Variants in SGCZ observed in about 807,000 individuals in gnomAD.
SGCZ encodes the protein zeta-sarcoglycan.
A neutral mutation model predicts 41.3 loss-of-function variants in SGCZ; 40 were observed. The observed-to-expected ratio is 0.97, with a 90% CI of 0.75 to 1.26. The LOEUF is 1.26. SGCZ is among the 50% of genes most tolerant of loss of function. The pLI is 0.00. For missense variants in SGCZ, 552 were observed against 369.8 expected (o/e 1.49, Z -4.04); for synonymous variants, 206 against 137.5 (o/e 1.50, Z -3.49).
chr8:14,237,101 G>A (rs1806789988), intron 4 of SGCZ, among the ~76,000 whole-genome samples: 2 of 151,964 alleles, frequency 1.3e-5, no homozygotes, highest in South Asian at 2.1e-4. Context: ...ACCTAATGAT[G>A]TTATCTCATG....
In SGCZ at chr8:14,580,489, T is replaced by C. The variant is rs769604845; in HGVS notation, c.40-25563A>G. Among the ~76,000 whole-genome samples, 405 of 152,208 alleles carry C rather than the reference T, an allele frequency of 2.7e-3. 4 individuals are homozygous for C. The highest frequency in any genetic ancestry group is 4.8e-3 in the Non-Finnish European group (324 of 68,004). ...CTTATCATAATTATCTGAAGAAAAA[T>C]TCTAAGGGAAATATTTAGAGGATAG... On this transcript the variant is annotated intron_variant, in intron 1 of 7. Transcript: ENST00000382080.
At chr8:15,122,811 A>T (rs1585586698) in intron 1 of SGCZ, among the ~76,000 whole-genome samples, 1 of 152,202 alleles carries the variant, frequency 6.6e-6, no homozygotes, top group South Asian at 2.1e-4. Flanking sequence ...CTTTTGACAT[A>T]TCATGAGATT....
At chr8:14,920,863 G>A (rs1030265873) in intron 1 of SGCZ, among the ~76,000 whole-genome samples, 1 of 152,108 alleles carries the variant, frequency 6.6e-6, no homozygotes, top group Non-Finnish European at 1.5e-5. Context: ...CATTGCTATA[G>A]TGGCACTGTG....
intron 5 of SGCZ, among the ~76,000 whole-genome samples, chr8:14,112,687 A>C (rs1802411317): frequency 2.0e-5 from 3 of 152,070 alleles, no homozygotes; most frequent in Non-Finnish European, 4.4e-5. Flanking sequence ...AATCTTGGCC[A>C]AGTATTTAAA....
intron 1 of SGCZ, among the ~76,000 whole-genome samples, chr8:14,881,079 A>G (rs1205624092): frequency 1.3e-5 from 2 of 152,150 alleles, no homozygotes; most frequent in East Asian, 1.9e-4. Flanking sequence ...AATTCTTTGA[A>G]CTCATTTCCC....
At chr8:15,070,600 T>C (rs1805314227) in intron 1 of SGCZ, among the ~76,000 whole-genome samples, 2 of 152,162 alleles carry the variant, frequency 1.3e-5, no homozygotes, top group Admixed American at 6.5e-5. Flanking sequence ...AGAAAGACTT[T>C]GAAATCCTCT....
intron 1 of SGCZ, among the ~76,000 whole-genome samples, chr8:14,810,793 A>G (rs1416048355): frequency 6.6e-6 from 1 of 152,008 alleles, no homozygotes; most frequent in Admixed American, 6.6e-5. Flanking sequence ...TTGTTTATTT[A>G]CTTGTTTGTT....
chr8:15,070,859 G>C (rs1805326060), intron 1 of SGCZ, among the ~76,000 whole-genome samples: 2 of 152,144 alleles, frequency 1.3e-5, no homozygotes, highest in Non-Finnish European at 2.9e-5. Context: ...ATTTGCTATA[G>C]AAACACTGAG....
chr8:14,221,292 A>G (rs573975935), intron 4 of SGCZ, among the ~76,000 whole-genome samples: 1 of 152,308 alleles, frequency 6.6e-6, no homozygotes, highest in Non-Finnish European at 1.5e-5. Flanking sequence ...CAATCTATGA[A>G]TTACTAAAAG....
intron 1 of SGCZ, among the ~76,000 whole-genome samples, chr8:14,960,795 A>G (rs1487767355): frequency 6.6e-6 from 1 of 152,030 alleles, no homozygotes; most frequent in Non-Finnish European, 1.5e-5. Context: ...ACATCAATTA[A>G]GGAAATCACT....
At chr8:14,110,487 T>C (rs2117009029) in intron 5 of SGCZ, among the ~76,000 whole-genome samples, 1 of 152,250 alleles carries the variant, frequency 6.6e-6, no homozygotes, top group South Asian at 2.1e-4. Flanking sequence ...AGGTCTCAAT[T>C]CTGAGTGCCA....
chr8:14,120,827 T>C lies in SGCZ; in HGVS notation c.548-12592A>G, dbSNP rs554139084. On this transcript the variant is annotated intron_variant, in intron 5 of 7. Coordinates refer to ENST00000382080, the MANE Select transcript of SGCZ (RefSeq NM_139167.4). ...AGTATAACATAACCATATGTAAGATTATCCTATCCTAAAGTTAATAATTTT... is the reference window on the plus strand; with the variant it reads ...AGTATAACATAACCATATGTAAGATCATCCTATCCTAAAGTTAATAATTTT... Among the ~76,000 whole-genome samples, 3 of 152,236 alleles carry C rather than the reference T, an allele frequency of 2.0e-5. No individual in the cohort carries two copies. In the South Asian group the frequency reaches 6.2e-4, roughly 32 times the overall value.
At chr8:14,545,393 C>G (rs1803594538) in intron 2 of SGCZ, among the ~76,000 whole-genome samples, 1 of 142,920 alleles carries the variant, frequency 7.0e-6, no homozygotes, top group Non-Finnish European at 1.5e-5. Flanking sequence ...TTCAATTATA[C>G]TTTTGAAAAG....
intron 1 of SGCZ, among the ~76,000 whole-genome samples, chr8:14,799,697 T>G (rs1020354989): frequency 7.2e-5 from 11 of 152,268 alleles, no homozygotes; most frequent in Admixed American, 7.2e-4. Flanking sequence ...AAAATTTTTT[T>G]TTTTAAATTT....
chr8:15,053,335 A>G (rs1804586236), intron 1 of SGCZ, among the ~76,000 whole-genome samples: 1 of 151,550 alleles, frequency 6.6e-6, no homozygotes, highest in Non-Finnish European at 1.5e-5. Flanking sequence ...CTTACTAGAT[A>G]AAGAATCTAC....
chr8:14,817,608 A>T (rs59473859), intron 1 of SGCZ, among the ~76,000 whole-genome samples: 1 of 152,152 alleles, frequency 6.6e-6, no homozygotes, highest in Non-Finnish European at 1.5e-5. Flanking sequence ...CTACAGCACT[A>T]CAACTCTGGA....
chr8:14,573,622 T>G (rs1353143108), intron 1 of SGCZ, among the ~76,000 whole-genome samples: 1 of 152,220 alleles, frequency 6.6e-6, no homozygotes, highest in African/African-American at 2.4e-5. Context: ...CTTATTTTTA[T>G]TGTATTTATC....
At chr8:14,937,875 T>A (rs950423346) in intron 1 of SGCZ, among the ~76,000 whole-genome samples, 1 of 152,144 alleles carries the variant, frequency 6.6e-6, no homozygotes, top group Non-Finnish European at 1.5e-5. Flanking sequence ...CTGATATTTT[T>A]AAAAATTCAT....
intron 1 of SGCZ, among the ~76,000 whole-genome samples, chr8:15,078,458 T>C (rs1019671015): frequency 6.6e-6 from 1 of 152,000 alleles, no homozygotes; most frequent in Non-Finnish European, 1.5e-5. Flanking sequence ...GGTATCTTTT[T>C]GACTGGTCTT....
Sources: allele counts gnomAD v4.1 joint callset (sites outside exome capture counted in the v4.1 genomes callset), GRCh38; gene constraint gnomAD v4.1.1; transcripts MANE v1.5; gene names NCBI Gene and HGNC (gene_info 2026-07-23, HGNC 2026-07-21).